The following ELP2 variants were observed in gnomAD, a reference collection of about 807,000 sequenced individuals.
ELP2 encodes elongator acetyltransferase complex subunit 2, also known as elongator complex protein 2.
A neutral mutation model predicts 119.2 loss-of-function variants in ELP2; 90 were observed. The ratio of observed to expected loss-of-function variants is 0.75; its 90% CI spans 0.64 to 0.90. The LOEUF (loss-of-function observed/expected upper bound fraction) is 0.90. Ranked by LOEUF, ELP2 falls within the 40% of genes least tolerant of loss-of-function variation. ELP2 has a pLI of 0.00. For missense variants in ELP2, 921 were observed against 967.8 expected, an observed-to-expected ratio of 0.95 and a Z score of 0.64; for synonymous variants, 339 against 331.0, an observed-to-expected ratio of 1.02 and a Z score of -0.26.
chr18:36,167,357 C>A, intron 19 of ELP2, 135 bp downstream of exon 19: 1 of 592,026 alleles, frequency 1.7e-6, no homozygotes, highest in Non-Finnish European at 2.7e-6. Flanking sequence ...TTCTGTTTTT[C>A]GTATATGTAC....
chr18:36,133,858 C>A (rs1008307626), intron 2 of ELP2, among the ~76,000 whole-genome samples: 3 of 148,284 alleles, frequency 2.0e-5, no homozygotes, highest in African/African-American at 7.5e-5. Flanking sequence ...TAGCTGGGAC[C>A]ACAAGTGTGT....
At chr18:36,133,788 C>A (rs1051095249) in intron 2 of ELP2, among the ~76,000 whole-genome samples, 14 of 148,866 alleles carry the variant, frequency 9.4e-5, no homozygotes, top group African/African-American at 3.5e-4. Context: ...TTTTAAGAGA[C>A]AGGATCTCTC....
intron 11 of ELP2, among the ~76,000 whole-genome samples, chr18:36,152,052 G>T (rs1341724184): frequency 6.6e-6 from 1 of 151,848 alleles, no homozygotes; most frequent in Non-Finnish European, 1.5e-5. Flanking sequence ...TGCCCAGCCA[G>T]TTCTGGTTTT....
chr18:36,142,331 G>A lies in ELP2; in HGVS notation c.639G>A (p.Val213=), dbSNP rs759950719. ...GACATGAGGATTGGATTAGAGGAGT[G>A]GAATGGGCAGCCTTTGGTCAGTATG... ...LCGHEDWIRG[V]EWAAFGRDLF... is the part of the protein sequence containing the mutation. The change falls in exon 7 of 22, where the codon GTG becomes GTA. Residue 213 remains valine (V), a synonymous_variant. Coordinates refer to ENST00000358232, the MANE Select transcript of ELP2 (RefSeq NM_018255.4). 1.5e-5 allele frequency: 25 copies of A among 1,613,774 alleles called. No individual in the cohort carries two copies. In the African/African-American group the frequency reaches 2.9e-4, roughly 19 times the overall value.
At chr18:36,156,916 A>G (rs1339827191) in intron 13 of ELP2, among the ~76,000 whole-genome samples, 1 of 152,186 alleles carries the variant, frequency 6.6e-6, no homozygotes, top group African/African-American at 2.4e-5. Flanking sequence ...ATGTTTTATC[A>G]CTGTGTTAGG....
chr18:36,150,133 C>G (rs1269829845), intron 11 of ELP2, among the ~76,000 whole-genome samples: 1 of 152,186 alleles, frequency 6.6e-6, no homozygotes, highest in Non-Finnish European at 1.5e-5. Context: ...ACTTGCCAGC[C>G]ATGTTCAGGG....
At chr18:36,167,982 G>C (rs1036322663) in intron 19 of ELP2, among the ~76,000 whole-genome samples, 1 of 152,218 alleles carries the variant, frequency 6.6e-6, no homozygotes, top group Non-Finnish European at 1.5e-5. Flanking sequence ...CAGCCTCAGA[G>C]TATGTTCTCC....
In ELP2 at chr18:36,154,841, C is replaced by T; in HGVS notation, c.1126-9C>T. On this transcript the variant is annotated splice_polypyrimidine_tract_variant and intron_variant, in intron 11 of 21. Transcript: ENST00000358232. ...ATTTTGATATGTGATATGAGCACTT[C>T]CATTGCAGAGAGAGTGGACTCCAGA... 1.2e-6 allele frequency: 2 copies of T among 1,613,924 alleles called. No individual in the cohort carries two copies. The highest frequency in any genetic ancestry group is 1.7e-6 in the Non-Finnish European group (2 of 1,179,954).
chr18:36,142,335 T>A lies in ELP2; in HGVS notation c.643T>A (p.Trp215Arg), dbSNP rs1204408150. The part of the protein sequence containing the change: ...GHEDWIRGVE[W>R]AAFGRDLFLA... ...TGAGGATTGGATTAGAGGAGTGGAA[T>A]GGGCAGCCTTTGGTCAGTATGAAAT... The change falls in exon 7 of 22, where the codon TGG becomes AGG. Residue 215 changes from tryptophan (W) to arginine (R), a missense_variant. Physicochemically the swap from Trp to Arg is moderately radical, Grantham distance 101 (BLOSUM62 -3). Coordinates refer to ENST00000358232, the MANE Select transcript of ELP2 (RefSeq NM_018255.4). 1 of 1,613,966 alleles carries A rather than the reference T, an allele frequency of 6.2e-7. No individual in the cohort carries two copies. Among genetic ancestry groups the A allele is most frequent in the Admixed American group, 1.7e-5 (1 of 60,016 alleles).
At chr18:36,148,787 G>C (rs916720836) in intron 11 of ELP2, among the ~76,000 whole-genome samples, 1 of 152,170 alleles carries the variant, frequency 6.6e-6, no homozygotes, top group Non-Finnish European at 1.5e-5. Flanking sequence ...GACGCAGGAG[G>C]ATTGTGTGAG....
chr18:36,143,003 T>C, intron 8 of ELP2, 37 bp downstream of exon 8: 4 of 1,481,218 alleles, frequency 2.7e-6, no homozygotes, highest in Non-Finnish European at 3.7e-6. Flanking sequence ...TAACGATACT[T>C]AGGTCTCCTA....
At chr18:36,169,998 C>T (rs937963632) in intron 19 of ELP2, 65 bp from the exon 20 acceptor site, 1 of 1,602,320 alleles carries the variant, frequency 6.2e-7, no homozygotes, top group African/African-American at 1.3e-5. Flanking sequence ...GCCGATGAAA[C>T]TGTAGTACAT....
intron 11 of ELP2, among the ~76,000 whole-genome samples, chr18:36,148,020 C>T (rs535268135): frequency 3.3e-5 from 5 of 151,932 alleles, no homozygotes; most frequent in South Asian, 2.1e-4. Flanking sequence ...TGAACTGTGT[C>T]GTCTTTGGTT....
intron 2 of ELP2, among the ~76,000 whole-genome samples, chr18:36,133,910 T>G (rs1330465896): frequency 5.5e-5 from 7 of 127,832 alleles, no homozygotes; most frequent in African/African-American, 9.2e-5. Flanking sequence ...TTTTTTTTTT[T>G]TTTTTTTTTT....
chr18:36,132,501 C>G (rs1009724770), intron 1 of ELP2, among the ~76,000 whole-genome samples: 2 of 152,178 alleles, frequency 1.3e-5, no homozygotes, highest in South Asian at 2.1e-4. Flanking sequence ...TAAGCAGATA[C>G]AAAGCCATTG....
chr18:36,137,755 T>A (rs1441546258), intron 3 of ELP2, among the ~76,000 whole-genome samples: 11 of 138,528 alleles, frequency 7.9e-5, no homozygotes, highest in Non-Finnish European at 1.4e-4. Flanking sequence ...AAAAGTTTGA[T>A]GAGGAATAGA....
In ELP2 at chr18:36,152,650, G is replaced by A. The variant is rs114370189; in HGVS notation, c.1126-2200G>A. The stretch of plus-strand genomic sequence containing the variant: ...TTTTTGGGGGTAAACAGACCTTACA[G>A]TGGCATTTATCCAGTCCACCTGGCT... On this transcript the variant is annotated intron_variant, in intron 11 of 21. Coordinates refer to ENST00000358232, the MANE Select transcript of ELP2 (RefSeq NM_018255.4). Among the ~76,000 whole-genome samples the A allele has an allele frequency of 3.9e-3, 601 of 152,326 alleles. 4 individuals are homozygous for A. The highest frequency in any genetic ancestry group is 0.014 in the African/African-American group (573 of 41,570).
rs535028858 is a variant in ELP2, at chr18:36,153,210, A to G, written c.1126-1640A>G. 3.3e-5 allele frequency among the ~76,000 whole-genome samples: 5 copies of G among 152,304 alleles called. No homozygotes were observed. The East Asian group carries it at 5.8e-4, about 18-fold the overall frequency. On this transcript the variant is annotated intron_variant, in intron 11 of 21. Coordinates refer to ENST00000358232, the MANE Select transcript of ELP2 (RefSeq NM_018255.4). The stretch of plus-strand genomic sequence containing the variant: ...TAGTTTGCATTTCCTTATGTATCCA[A>G]TGAACCAACTCTTGGAGTTGGATCT...
chr18:36,155,935 T>A (rs552072763), intron 12 of ELP2, among the ~76,000 whole-genome samples: 21 of 152,242 alleles, frequency 1.4e-4, no homozygotes, highest in Non-Finnish European at 1.5e-4. Flanking sequence ...TTTCAAGGAG[T>A]TTACCATCTA....
Sources: allele counts gnomAD v4.1 joint callset (sites outside exome capture counted in the v4.1 genomes callset), GRCh38; gene constraint gnomAD v4.1.1; transcripts MANE v1.5; gene names NCBI Gene and HGNC (gene_info 2026-07-23, HGNC 2026-07-21).